Variants in ZNF277 observed in about 807,000 individuals in gnomAD.
ZNF277 encodes nuclear receptor-interacting factor 4.
ZNF277 carries 55 observed loss-of-function variants against 60.7 expected under a neutral mutation model. The observed-to-expected ratio is 0.91, with a 90% CI of 0.73 to 1.13. The LOEUF (loss-of-function observed/expected upper bound fraction) is 1.13. Among genes scored for constraint, ZNF277 ranks in the 50% most tolerant of loss-of-function variants. ZNF277 has a pLI of 0.00. For missense variants in ZNF277, 510 were observed against 523.0 expected (o/e 0.98, Z 0.24); for synonymous variants, 178 against 179.3 (o/e 0.99, Z 0.06).
intron 1 of ZNF277, among the ~76,000 whole-genome samples, chr7:112,261,160 C>T (rs1791429416): frequency 6.6e-6 from 1 of 152,158 alleles, no homozygotes; most frequent in Non-Finnish European, 1.5e-5. Context: ...CTCTATCATT[C>T]TCTGCGTTAG....
chr7:112,222,553 A>G (rs912248560), intron 1 of ZNF277, among the ~76,000 whole-genome samples: 4 of 152,058 alleles, frequency 2.6e-5, no homozygotes, highest in Non-Finnish European at 4.4e-5. Context: ...GATTTAATGT[A>G]TTTGAGGCTT....
At chr7:112,220,235 T>G (rs1484410125) in intron 1 of ZNF277, among the ~76,000 whole-genome samples, 1 of 152,210 alleles carries the variant, frequency 6.6e-6, no homozygotes, top group African/African-American at 2.4e-5. Context: ...CATCAGTATT[T>G]TATAGTTTTC....
At chr7:112,211,622 A>T (rs536071211) in intron 1 of ZNF277, among the ~76,000 whole-genome samples, 1 of 152,210 alleles carries the variant, frequency 6.6e-6, no homozygotes, top group African/African-American at 2.4e-5. Context: ...CCACATTGTA[A>T]AACAAATATA....
intron 5 of ZNF277, among the ~76,000 whole-genome samples, chr7:112,322,597 T>C (rs1193573815): frequency 6.6e-6 from 1 of 152,112 alleles, no homozygotes; most frequent in African/African-American, 2.4e-5. Context: ...GTATTCTGTT[T>C]GGTAAGATAT....
intron 2 of ZNF277, chr7:112,288,321 A>G (rs1338391033): frequency 6.6e-6 from 1 of 152,196 alleles, no homozygotes; most frequent in East Asian, 1.9e-4. Context: ...TCCCCATAAA[A>G]CATTGTAGTA....
intron 1 of ZNF277, among the ~76,000 whole-genome samples, chr7:112,231,609 C>T (rs933268030): frequency 6.6e-6 from 1 of 151,826 alleles, no homozygotes; most frequent in Admixed American, 6.6e-5. Context: ...TCTCCCCATC[C>T]TCCCTTTTTT....
chr7:112,321,896 T>A (rs186753762), intron 5 of ZNF277, among the ~76,000 whole-genome samples: 1 of 152,302 alleles, frequency 6.6e-6, no homozygotes, highest in East Asian at 1.9e-4. Flanking sequence ...TTTTCTTGCA[T>A]CTTTCAAGAG....
intron 4 of ZNF277, among the ~76,000 whole-genome samples, chr7:112,297,377 T>G (rs918174916): frequency 6.6e-6 from 1 of 152,206 alleles, no homozygotes; most frequent in African/African-American, 2.4e-5. Flanking sequence ...TTGTAAGTCT[T>G]TCTTTTATCT....
chr7:112,324,031 A>G (rs1202320176), intron 5 of ZNF277, among the ~76,000 whole-genome samples: 1 of 152,210 alleles, frequency 6.6e-6, no homozygotes, highest in Non-Finnish European at 1.5e-5. Flanking sequence ...GGTATTATGT[A>G]TTTATAGTTA....
At chr7:112,236,236 A>G (rs1195778543) in intron 1 of ZNF277, among the ~76,000 whole-genome samples, 1 of 152,112 alleles carries the variant, frequency 6.6e-6, no homozygotes. Flanking sequence ...TTTTTCCAAA[A>G]TCAGAGCACA....
intron 1 of ZNF277, among the ~76,000 whole-genome samples, chr7:112,234,098 G>A (rs564324602): frequency 6.6e-6 from 1 of 151,596 alleles, no homozygotes; most frequent in Non-Finnish European, 1.5e-5. Flanking sequence ...GCTTTATTTA[G>A]CCAGTTCATT....
chr7:112,252,651 G>A (rs1452490424), intron 1 of ZNF277, among the ~76,000 whole-genome samples: 1 of 152,078 alleles, frequency 6.6e-6, no homozygotes, highest in Non-Finnish European at 1.5e-5. Context: ...ATATCCTTGG[G>A]CCTGAAACTA....
chr7:112,231,505 A>G (rs1282322449), intron 1 of ZNF277, among the ~76,000 whole-genome samples: 1 of 152,122 alleles, frequency 6.6e-6, no homozygotes, highest in East Asian at 1.9e-4. Flanking sequence ...TGCATGTTTT[A>G]TGAGTAGCTC....
chr7:112,340,790 A>T, intron 10 of ZNF277, 82 bp from the exon 11 acceptor site: 1 of 1,195,050 alleles, frequency 8.4e-7, no homozygotes, highest in Non-Finnish European at 1.2e-6. Flanking sequence ...AATAAAAATA[A>T]GTGGCTCCTT....
intron 1 of ZNF277, among the ~76,000 whole-genome samples, chr7:112,264,196 T>G (rs892287753): frequency 1.7e-4 from 26 of 151,952 alleles, no homozygotes; most frequent in African/African-American, 6.3e-4. Flanking sequence ...TTATGTACAC[T>G]AATATTCATT....
In ZNF277 at chr7:112,280,689, G is replaced by A. The variant is rs1367012662; in HGVS notation, c.92-6184G>A. ...CACCCAGACTGGAGTGCAGTGGCAC[G>A]ATCTCAGCTCACTGCAACTTCTGCT... On this transcript the variant is annotated intron_variant, in intron 1 of 11. Transcript: ENST00000361822. Among the ~76,000 whole-genome samples, 7 of 151,498 alleles carry A rather than the reference G, an allele frequency of 4.6e-5. No individual in the cohort carries two copies. The South Asian group carries it at 8.3e-4, about 18-fold the overall frequency.
chr7:112,262,725 G>T (rs1791464941), intron 1 of ZNF277, among the ~76,000 whole-genome samples: 2 of 151,890 alleles, frequency 1.3e-5, no homozygotes, highest in South Asian at 4.2e-4. Context: ...ACTCTTCAAA[G>T]CTTAGCATTT....
chr7:112,312,117 T>C (rs1008507620), intron 4 of ZNF277, among the ~76,000 whole-genome samples: 1 of 152,152 alleles, frequency 6.6e-6, no homozygotes, highest in Non-Finnish European at 1.5e-5. Flanking sequence ...GTGGGCTTAT[T>C]ATCTGGTAGA....
Position 112,340,887 on chromosome 7 carries a change from A to G in ZNF277, c.1025A>G (p.Gln342Arg). The G allele has an allele frequency of 6.2e-7, 1 of 1,610,024 alleles. No homozygotes were observed. Among genetic ancestry groups the G allele is most frequent in the Non-Finnish European group, 8.5e-7 (1 of 1,178,578 alleles). The change falls in exon 11 of 12, where the codon CAG (glutamine) becomes CGG (arginine). Residue 342 changes from glutamine (Q) to arginine (R), a missense_variant. Transcript: ENST00000361822. Reference sequence around the variant, plus strand: ...TCATTTTCAGGATTAAATTTCTATCAGCAAGTGAAACTGGTCAATTTTATT... The same window carrying G: ...TCATTTTCAGGATTAAATTTCTATCGGCAAGTGAAACTGGTCAATTTTATT... ...IKSELGLNFYQQVKLVNFIRR... is the reference protein window; with the variant it reads ...IKSELGLNFYRQVKLVNFIRR...
Sources: gnomAD v4.1 joint callset for allele counts (sites outside exome capture counted in the v4.1 genomes callset) on GRCh38, gnomAD v4.1.1 for gene constraint, MANE v1.5 for transcripts, NCBI Gene and HGNC (gene_info 2026-07-23, HGNC 2026-07-21) for gene names.